The following IL12RB2 variants were observed in gnomAD, a reference collection of about 807,000 sequenced individuals.
IL12RB2 encodes the protein interleukin 12 receptor subunit beta 2.
In IL12RB2, 82 loss-of-function variants were observed where a neutral mutation model predicts 89.4. That is an observed-to-expected ratio of 0.92 (90% CI 0.77 to 1.10). The LOEUF (loss-of-function observed/expected upper bound fraction) is 1.10, where lower values mean the gene tolerates loss of function less well. IL12RB2 is among the 50% of genes least tolerant of loss of function. IL12RB2 has a pLI of 0.00. For synonymous variants in IL12RB2, 368 were observed against 370.1 expected (o/e 0.99, Z 0.07); for missense variants, 963 against 1,031.9 (o/e 0.93, Z 0.92).
At chr1:67,338,018 A>G (rs1659018618) in intron 8 of IL12RB2, among the ~76,000 whole-genome samples, 1 of 151,884 alleles carries the variant, frequency 6.6e-6, no homozygotes, top group South Asian at 2.1e-4. Flanking sequence ...GGTTATTTTA[A>G]TAACACATGT....
chr1:67,351,148 A>G (rs1045299875), intron 10 of IL12RB2, 59 bp downstream of exon 10: 32 of 1,590,830 alleles, frequency 2.0e-5, no homozygotes, highest in African/African-American at 2.7e-5. Context: ...CTCATCTCTT[A>G]TCTCCTGCAG....
chr1:67,381,632 G>A (rs1284634299), intron 14 of IL12RB2, among the ~76,000 whole-genome samples: 1 of 152,122 alleles, frequency 6.6e-6, no homozygotes, highest in Non-Finnish European at 1.5e-5. Flanking sequence ...CGGGCATGGT[G>A]GCGGGCGCCT....
chr1:67,320,210 A>T, intron 2 of IL12RB2, 123 bp from the exon 3 acceptor site: 1 of 1,456,240 alleles, frequency 6.9e-7, no homozygotes, highest in Non-Finnish European at 9.3e-7. Flanking sequence ...GTCATTTTTT[A>T]AAATAACAAG....
In IL12RB2 at chr1:67,396,281, T is replaced by C. The variant is rs530932057; in HGVS notation, c.*192T>C. 6 of 671,794 alleles carry C rather than the reference T, an allele frequency of 8.9e-6. No individual in the cohort carries two copies. The highest frequency in any genetic ancestry group is 3.5e-5 in the African/African-American group (2 of 56,624). The allele number at this position is 671,794 out of a possible 1,614,324, so 41.6% of individuals were successfully genotyped here. A position where few individuals can be genotyped will look rare whatever the true frequency, so the allele number is the denominator to read the frequency against. On this transcript the variant is annotated 3_prime_UTR_variant, in exon 17 of 17. Coordinates refer to ENST00000674203, the MANE Select transcript of IL12RB2 (RefSeq NM_001374259.2). ...TTGGTCTTCACTCAGATGCCTCATC[T>C]TGCCTTTCCCAGGGCCTTAAAATTA...
At chr1:67,394,553 A>G (rs538237249) in intron 16 of IL12RB2, among the ~76,000 whole-genome samples, 2 of 152,306 alleles carry the variant, frequency 1.3e-5, no homozygotes, top group African/African-American at 4.8e-5. Context: ...GCAAAAAAAG[A>G]TGAAAATTTC....
chr1:67,342,252 A>G (rs1279928146), intron 9 of IL12RB2, among the ~76,000 whole-genome samples: 2 of 151,634 alleles, frequency 1.3e-5, no homozygotes, highest in Non-Finnish European at 2.9e-5. Context: ...CCTTTGAGCA[A>G]CTCTGGGAAA....
At chr1:67,334,693 A>T (rs1425726695) in intron 8 of IL12RB2, among the ~76,000 whole-genome samples, 1 of 152,134 alleles carries the variant, frequency 6.6e-6, no homozygotes, top group African/African-American at 2.4e-5. Context: ...GTTAGCCAGG[A>T]TGGTCTCGAT....
At chr1:67,307,599 G>A (rs938129964), upstream of IL12RB2, 1 of 152,268 alleles carries the variant, frequency 6.6e-6, no homozygotes, top group Non-Finnish European at 1.5e-5. Context: ...CTTGCTCAAG[G>A]CGACACAGCA....
intron 5 of IL12RB2, among the ~76,000 whole-genome samples, chr1:67,327,930 G>A (rs1423406140): frequency 2.0e-5 from 3 of 152,146 alleles, no homozygotes; most frequent in African/African-American, 7.2e-5. Flanking sequence ...TGACAAGCAG[G>A]GTTTGGGGAA....
In IL12RB2 at chr1:67,326,713, G is replaced by GT. The variant is rs749660540; in HGVS notation, c.365-18dup. The GT allele has an allele frequency of 1.6e-5, 26 of 1,610,052 alleles. No individual in the cohort carries two copies. The East Asian group carries it at 2.9e-4, about 18-fold the overall frequency. On this transcript the variant is annotated intron_variant, in intron 4 of 16. Transcript: ENST00000674203. ...AAATATCACCTGTGTGATATATAAG[G>GT]TTTTGTCTTTTCTTTTTAAAGTTGC...
chr1:67,386,534 C>T, intron 14 of IL12RB2, 45 bp from the exon 15 acceptor site: 2 of 1,299,774 alleles, frequency 1.5e-6, no homozygotes, highest in South Asian at 2.4e-5. Context: ...TTGAAATGTT[C>T]ATTGGTGATA....
intron 11 of IL12RB2, among the ~76,000 whole-genome samples, chr1:67,371,009 C>T (rs1663241083): frequency 6.6e-6 from 1 of 152,228 alleles, no homozygotes; most frequent in Non-Finnish European, 1.5e-5. Flanking sequence ...CTGGAACTCC[C>T]ATGCCTCCAT....
chr1:67,390,371 A>C (rs1354488858), intron 16 of IL12RB2, among the ~76,000 whole-genome samples: 1 of 151,652 alleles, frequency 6.6e-6, no homozygotes, highest in Admixed American at 6.6e-5. Flanking sequence ...TTTATACCTC[A>C]GTATGCCTCA....
At chr1:67,363,297 AC>A (rs1317004511) in intron 10 of IL12RB2, among the ~76,000 whole-genome samples, 1 of 137,860 alleles carries the variant, frequency 7.3e-6, no homozygotes, top group Non-Finnish European at 1.5e-5. Flanking sequence ...GCTCACCACA[AC>A]CTCCGCCTCC....
intron 10 of IL12RB2, among the ~76,000 whole-genome samples, chr1:67,362,797 A>G (rs1017844833): frequency 2.0e-5 from 3 of 152,188 alleles, no homozygotes; most frequent in Admixed American, 1.3e-4. Flanking sequence ...TGTGAAATGA[A>G]GTTTTTCAGA....
chr1:67,329,694 A>G lies in IL12RB2; in HGVS notation c.772A>G (p.Arg258Gly). 1 of 1,606,204 alleles carries G rather than the reference A, an allele frequency of 6.2e-7. No individual in the cohort carries two copies. The highest frequency in any genetic ancestry group is 8.5e-7 in the Non-Finnish European group (1 of 1,172,768). Residue 258 changes from arginine (R) to glycine (G), a missense_variant, in exon 7 of 17, where the codon AGA becomes GGA. Arg to Gly is a moderately radical substitution (Grantham distance 125). Coordinates refer to ENST00000674203, the MANE Select transcript of IL12RB2 (RefSeq NM_001374259.2). ...GGGACTGGTACTGCTTAATCGACTC[A>G]GATATCGGCCCAGTAACAGCAGGCT... The part of the protein sequence containing the change: ...DEGLVLLNRL[R>G]YRPSNSRLWN...
chr1:67,375,847 CTTTTTTT>C (rs1211630762), intron 13 of IL12RB2, among the ~76,000 whole-genome samples: 1 of 136,052 alleles, frequency 7.4e-6, no homozygotes, highest in Non-Finnish European at 1.6e-5. Flanking sequence ...TTTTCTTTTT[CTTTTTTT>C]TTTTTTTTTT....
Position 67,321,823 on chromosome 1 carries a change from G to T in IL12RB2, c.298G>T (p.Val100Phe). 2 of 1,613,580 alleles carry T rather than the reference G, an allele frequency of 1.2e-6. No individual in the cohort carries two copies. The highest frequency in any genetic ancestry group is 1.7e-6 in the Non-Finnish European group (2 of 1,179,532). ...TGLPLGTTLFVCKLACINSDE... is the reference protein window; with the variant it reads ...TGLPLGTTLFFCKLACINSDE... ...TCTTCCCCTTGGTACAACCTTGTTT[G>T]TCTGCAAACTGGCCTGTATCAATAG... Residue 100 changes from valine to phenylalanine, a missense_variant, in exon 4 of 17, where the codon GTC becomes TTC. Coordinates refer to ENST00000674203, the MANE Select transcript of IL12RB2 (RefSeq NM_001374259.2).
At chr1:67,316,660 G>A (rs899380173) in intron 2 of IL12RB2, among the ~76,000 whole-genome samples, 1 of 151,934 alleles carries the variant, frequency 6.6e-6, no homozygotes, top group African/African-American at 2.4e-5. Flanking sequence ...TTCTCCAACA[G>A]CCCTGACCTT....
Sources: allele counts gnomAD v4.1 joint callset (sites outside exome capture counted in the v4.1 genomes callset), GRCh38; gene constraint gnomAD v4.1.1; transcripts MANE v1.5; gene names NCBI Gene and HGNC (gene_info 2026-07-23, HGNC 2026-07-21).